NYNRIN: variants seen among roughly 807,000 people sequenced by gnomAD.
NYNRIN encodes protein NYNRIN.
NYNRIN carries 86 observed loss-of-function variants against 146.6 expected under a neutral mutation model. The observed-to-expected ratio is 0.59, with a 90% CI of 0.49 to 0.70. NYNRIN has a LOEUF of 0.70. Among genes scored for constraint, NYNRIN ranks in the 30% least tolerant of loss-of-function variants. The probability of loss-of-function intolerance (pLI) is 0.00; values close to 1 mark genes in which losing one functional copy is unlikely to be tolerated. For synonymous variants in NYNRIN, 1,027 were observed against 1,001.3 expected (o/e 1.03, Z -0.48); for missense variants, 2,191 against 2,377.7 (o/e 0.92, Z 1.63).
At chr14:24,413,955 A>G (rs143500675) in intron 8 of NYNRIN, among the ~76,000 whole-genome samples, 92 of 152,336 alleles carry the variant, frequency 6.0e-4, no homozygotes, top group Non-Finnish European at 1.1e-3. Flanking sequence ...TATGTAAATG[A>G]CCACTGTCTT....
At chr14:24,400,293 G>A (rs1234001424) in intron 2 of NYNRIN, among the ~76,000 whole-genome samples, 1 of 152,184 alleles carries the variant, frequency 6.6e-6, no homozygotes, top group Non-Finnish European at 1.5e-5. Context: ...TCTCTCACAA[G>A]CTTTTCCTCC....
intron 2 of NYNRIN, among the ~76,000 whole-genome samples, chr14:24,401,736 T>A (rs181102902): frequency 6.6e-6 from 1 of 152,358 alleles, no homozygotes; most frequent in Non-Finnish European, 1.5e-5. Flanking sequence ...GTATAGATGT[T>A]AGCTACTATT....
At chr14:24,400,610 G>A (rs1418022553) in intron 2 of NYNRIN, among the ~76,000 whole-genome samples, 1 of 152,130 alleles carries the variant, frequency 6.6e-6, no homozygotes, top group East Asian at 1.9e-4. Context: ...GCTAGGAGGG[G>A]GAAGGGGTGT....
In NYNRIN at chr14:24,405,178, CTTG is replaced by C. The variant is rs752163681; in HGVS notation, c.199-2682_199-2680del. On this transcript the variant is annotated intron_variant, in intron 2 of 8. Coordinates refer to ENST00000382554, the MANE Select transcript of NYNRIN (RefSeq NM_025081.3). The stretch of plus-strand genomic sequence containing the variant: ...CCCTTCACTTCCAATTCCAGAGTTT[CTTG>C]TTGTTGTTTTCTGAGCCTTTTGAGT... 7.2e-5 allele frequency among the ~76,000 whole-genome samples: 11 copies of C among 152,138 alleles called. No homozygotes were observed. The East Asian group carries it at 1.2e-3, about 16-fold the overall frequency.
At position 24,417,973 on chromosome 14, in the gene NYNRIN, A is replaced by G; in HGVS notation, c.*527A>G. The G allele has an allele frequency of 3.9e-6, 1 of 254,136 alleles. No individual in the cohort carries two copies. The highest frequency in any genetic ancestry group is 7.8e-6 in the Non-Finnish European group (1 of 128,480). The allele number at this position is 254,136 out of a possible 1,614,324, so 15.7% of individuals were successfully genotyped here. A position where few individuals can be genotyped will look rare whatever the true frequency, so the allele number is the denominator to read the frequency against. On this transcript the variant is annotated 3_prime_UTR_variant, in exon 9 of 9. Coordinates refer to ENST00000382554, the MANE Select transcript of NYNRIN (RefSeq NM_025081.3). The stretch of plus-strand genomic sequence containing the variant: ...ACATAAGCCTGGGCAGGCTGTGGGG[A>G]GGCCGCTGCCTCCTAGCCTCACGGT...
Position 24,415,310 on chromosome 14 carries a change from C to G in NYNRIN, c.3561C>G (p.Ala1187=). The change falls in exon 9 of 9, where the codon GCC becomes GCG. Residue 1187 remains alanine, a synonymous_variant. Transcript: ENST00000382554. Reference sequence around the variant, plus strand: ...ACTCAGGGAGGAAGCACCCCATAGCCTATACCTCAAAACCCCTCCTCCCTG... The same window carrying G: ...ACTCAGGGAGGAAGCACCCCATAGCGTATACCTCAAAACCCCTCCTCCCTG... ...QEHSGRKHPI[A]YTSKPLLPDE... 1 of 1,613,972 alleles carries G rather than the reference C, an allele frequency of 6.2e-7. No individual in the cohort carries two copies. Among genetic ancestry groups the G allele is most frequent in the Non-Finnish European group, 8.5e-7 (1 of 1,179,868 alleles).
rs544959631 is a variant in NYNRIN at position 24,416,179 on chromosome 14, A to G, written c.4430A>G (p.Asn1477Ser). The change falls in exon 9 of 9, where the codon AAT (asparagine) becomes AGT (serine). Residue 1477 changes from asparagine (N) to serine (S), a missense_variant. Asn to Ser is a conservative substitution (Grantham distance 46, BLOSUM62 1). Transcript: ENST00000382554. ...CCCCATGCCATGGGCAAGAGGCCCA[A>G]TTTGCTGGCATTACAGCTGAGTGAC... ...VSPHAMGKRP[N>S]LLALQLSDST... is the part of the protein sequence containing the mutation. 6.4e-5 allele frequency: 104 copies of G among 1,613,892 alleles called. 1 individual carries two copies. The South Asian group carries it at 1.1e-3, about 16-fold the overall frequency.
In NYNRIN at chr14:24,416,946, C is replaced by T; in HGVS notation, c.5197C>T (p.His1733Tyr). 6.3e-7 allele frequency: 1 copy of T among 1,588,234 alleles called. No individual in the cohort carries two copies. Among genetic ancestry groups the T allele is most frequent in the Non-Finnish European group, 8.6e-7 (1 of 1,165,780 alleles). ...GGCCCTCAAGGAGTTCATCTTCCTG[C>T]ATGGGAAGAAGTGGGCGGCCTCCCT... ...KRALKEFIFL[H>Y]GKKWAASLPL... The change falls in exon 9 of 9, where the codon CAT becomes TAT. Residue 1733 changes from histidine (H) to tyrosine (Y), a missense_variant. This residue lies in a region of NYNRIN where 1,291 missense variants were observed against 1,417.0 expected (regional missense o/e 0.91). Transcript: ENST00000382554.
chr14:24,407,904 G>A lies in NYNRIN; in HGVS notation c.234G>A (p.Trp78Ter). The change falls in exon 3 of 9, where the codon TGG becomes TGA. Residue 78 changes from tryptophan (W) to a stop codon, truncating the protein, a stop_gained. Coordinates refer to ENST00000382554, the MANE Select transcript of NYNRIN (RefSeq NM_025081.3). LOFTEE classifies it high-confidence loss of function. ...AGGGCCTGTGCAGCCCAGAGCTGTG[G>A]AAAGAGGTTCGCTACCCACCGATCC... ...YLKGLCSPEL[W>*]KEVRYPPILH... 1 of 1,613,526 alleles carries A rather than the reference G, an allele frequency of 6.2e-7. No homozygotes were observed. The highest frequency in any genetic ancestry group is 1.3e-5 in the African/African-American group (1 of 75,018).
chr14:24,399,146 G>T, intron 1 of NYNRIN, 60 bp downstream of exon 1: 3 of 1,102,058 alleles, frequency 2.7e-6, no homozygotes, highest in Non-Finnish European at 3.9e-6. Context: ...GGGAGGAGGG[G>T]GCGTGGCTTA....
rs1359380799 is a variant in NYNRIN at position 24,416,086 on chromosome 14, A to T, written c.4337A>T (p.Lys1446Met). 28 of 1,613,944 alleles carry T rather than the reference A, an allele frequency of 1.7e-5. No homozygotes were observed. The highest frequency in any genetic ancestry group is 2.4e-5 in the Non-Finnish European group (28 of 1,179,846). Residue 1446 changes from lysine (K) to methionine (M), a missense_variant, in exon 9 of 9, where the codon AAG becomes ATG. By Grantham distance (95) the Lys-to-Met change is moderately conservative. Coordinates refer to ENST00000382554, the MANE Select transcript of NYNRIN (RefSeq NM_025081.3). ...GCTGTGACAGTGGACACCCTGGCCA[A>T]GCAGGGTGCCCAGGGGGGTGGGCAG... ...LFAVTVDTLAKQGAQGGGQWW... is the reference protein window; with the variant it reads ...LFAVTVDTLAMQGAQGGGQWW...
At position 24,412,629 on chromosome 14, in the gene NYNRIN, ATC is replaced by A. The variant is rs757255171; in HGVS notation, c.2643-364_2643-363del. On this transcript the variant is annotated intron_variant, in intron 6 of 8. Transcript: ENST00000382554. ...CACAGCAACATGGGGTAGGTATTTT[ATC>A]TCTGTTTTACAGATGCAAAAAACGG... 9.1e-5 allele frequency: 18 copies of A among 196,746 alleles called. No individual in the cohort carries two copies. The East Asian group carries it at 1.0e-3, about 11-fold the overall frequency. The allele number at this position is 196,746 out of a possible 1,614,324, so 12.2% of individuals were successfully genotyped here.
intron 2 of NYNRIN, 103 bp from the exon 3 acceptor site, chr14:24,407,766 G>A: frequency 9.1e-7 from 1 of 1,097,524 alleles, no homozygotes; most frequent in Non-Finnish European, 1.3e-6. Context: ...GTAGTGGTGG[G>A]GCCACATGGT....
In NYNRIN at chr14:24,409,262, C is replaced by G. The variant is rs766462162; in HGVS notation, c.1468C>G (p.Gln490Glu). ...GPPLTSTPQL[Q>E]AGGEPGDQGS... ...ACCCTTGACCTCTACACCCCAACTACAGGCTGGAGGTGAGCCGGGGGATCA... is the reference window on the plus strand; with the variant it reads ...ACCCTTGACCTCTACACCCCAACTAGAGGCTGGAGGTGAGCCGGGGGATCA... Residue 490 changes from glutamine to glutamate, a missense_variant, in exon 4 of 9, where the codon CAG becomes GAG. Around this residue, in one of 3 missense-constraint regions of NYNRIN, gnomAD observed 895 missense variants for 941.2 expected, o/e 0.95. Transcript: ENST00000382554. 1 of 1,614,046 alleles carries G rather than the reference C, an allele frequency of 6.2e-7. No individual in the cohort carries two copies.
Position 24,399,009 on chromosome 14 carries a change from C to G in NYNRIN, c.-95C>G, listed in dbSNP as rs2042821599. ...CCGGTCCCACCCCTAGCTACAACCC[C>G]GGGCAGGAAGAGCTCGTCGCGGTAG... On this transcript the variant is annotated 5_prime_UTR_variant, in exon 1 of 9. Transcript: ENST00000382554. The G allele has an allele frequency of 2.0e-6, 1 of 490,150 alleles. No individual in the cohort carries two copies. The highest frequency in any genetic ancestry group is 3.6e-6 in the Non-Finnish European group (1 of 279,858). 30.4% of individuals were successfully genotyped at this position (490,150 alleles called of 1,614,324 possible).
In NYNRIN at chr14:24,415,675, G is replaced by A; in HGVS notation, c.3926G>A (p.Cys1309Tyr). Residue 1309 changes from cysteine (C) to tyrosine (Y), a missense_variant, in exon 9 of 9, where the codon TGC becomes TAC. Physicochemically the swap from Cys to Tyr is radical, Grantham distance 194. Coordinates refer to ENST00000382554, the MANE Select transcript of NYNRIN (RefSeq NM_025081.3). ...TTCTCTGACCTGTCCACGTTCGTCT[G>A]CATCCACATGTCGGGCTACTGCTTC... ...PPFSDLSTFVCIHMSGYCFYR... is the reference protein window; with the variant it reads ...PPFSDLSTFVYIHMSGYCFYR... 2 of 1,614,020 alleles carry A rather than the reference G, an allele frequency of 1.2e-6. No homozygotes were observed. Among genetic ancestry groups the A allele is most frequent in the Non-Finnish European group, 1.7e-6 (2 of 1,179,894 alleles).
In NYNRIN at chr14:24,414,907, A is replaced by G. The variant is rs936733579; in HGVS notation, c.3158A>G (p.Asp1053Gly). The part of the protein sequence containing the change: ...SLHDPPDGAL[D>G]IDLLPGAASP... ...CATGATCCCCCTGATGGGGCCCTGGACATCGACCTCCTGCCAGGGGCAGCT... is the reference window on the plus strand; with the variant it reads ...CATGATCCCCCTGATGGGGCCCTGGGCATCGACCTCCTGCCAGGGGCAGCT... The change falls in exon 9 of 9, where the codon GAC (aspartate) becomes GGC (glycine). Residue 1053 changes from aspartate (D) to glycine (G), a missense_variant. Around this residue, in one of 3 missense-constraint regions of NYNRIN, gnomAD observed 1,291 missense variants for 1,417.0 expected, o/e 0.91. Coordinates refer to ENST00000382554, the MANE Select transcript of NYNRIN (RefSeq NM_025081.3). 8 of 1,604,482 alleles carry G rather than the reference A, an allele frequency of 5.0e-6. No homozygotes were observed. The highest frequency in any genetic ancestry group is 1.3e-5 in the African/African-American group (1 of 74,636).
chr14:24,413,286 T>G (rs757302348), intron 7 of NYNRIN, 30 bp from the exon 8 acceptor site: 53 of 1,592,736 alleles, frequency 3.3e-5, no homozygotes, highest in Non-Finnish European at 4.3e-5. Context: ...GGGCTCACAG[T>G]GACTGTGCCT....
Position 24,416,631 on chromosome 14 carries a change from A to G in NYNRIN, c.4882A>G (p.Ser1628Gly). ...CGAGGTGGTGGGCCCGGTCACCATA[A>G]GTGAGGAGGGCCATAAGCATGTACT... ...QIEVVGPVTI[S>G]EEGHKHVLIV... Residue 1628 changes from serine (S) to glycine (G), a missense_variant, in exon 9 of 9, where the codon AGT becomes GGT. Physicochemically the swap from Ser to Gly is moderately conservative, Grantham distance 56. Coordinates refer to ENST00000382554, the MANE Select transcript of NYNRIN (RefSeq NM_025081.3). The G allele has an allele frequency of 6.2e-7, 1 of 1,613,932 alleles. No individual in the cohort carries two copies. Among genetic ancestry groups the G allele is most frequent in the Non-Finnish European group, 8.5e-7 (1 of 1,179,868 alleles).
Sources: gnomAD v4.1 joint callset for allele counts (sites outside exome capture counted in the v4.1 genomes callset) on GRCh38, gnomAD v4.1.1 for gene constraint, gnomAD v4.1.1 regional missense constraint, MANE v1.5 for transcripts, NCBI Gene and HGNC (gene_info 2026-07-23, HGNC 2026-07-21) for gene names.